Variants in CDH13 observed in about 807,000 individuals in gnomAD.
The protein encoded by CDH13 is cadherin-13.
CDH13 carries 24 observed loss-of-function variants against 63.8 expected under a neutral mutation model. That is an observed-to-expected ratio of 0.38 (90% CI 0.27 to 0.53). The LOEUF (loss-of-function observed/expected upper bound fraction) is 0.53. CDH13 is among the 20% of genes least tolerant of loss of function. The probability of loss-of-function intolerance (pLI) is 0.85; values close to 1 mark genes in which losing one functional copy is unlikely to be tolerated. For synonymous variants in CDH13, 503 were observed against 355.3 expected (o/e 1.42, Z -4.67); for missense variants, 1,049 against 903.1 (o/e 1.16, Z -2.07).
chr16:83,454,497 C>T (rs138955994), intron 6 of CDH13, among the ~76,000 whole-genome samples: 6 of 152,128 alleles, frequency 3.9e-5, no homozygotes, highest in Admixed American at 2.6e-4. Flanking sequence ...ATATATTTTA[C>T]TTTGCATTTA....
chr16:83,345,163 A>G (rs1187737097), intron 6 of CDH13, among the ~76,000 whole-genome samples, 157 bp downstream of exon 6: 1 of 152,236 alleles, frequency 6.6e-6, no homozygotes, highest in Admixed American at 6.5e-5. Flanking sequence ...TTGGAAAGCT[A>G]AAGTGCAAAG....
At chr16:82,856,094 G>T (rs2039672533) in intron 1 of CDH13, among the ~76,000 whole-genome samples, 1 of 152,174 alleles carries the variant, frequency 6.6e-6, no homozygotes, top group South Asian at 2.1e-4. Context: ...ATACTAGCTG[G>T]GGCCGGGCAC....
chr16:82,638,088 C>G (rs1908908542), intron 1 of CDH13, among the ~76,000 whole-genome samples: 1 of 152,224 alleles, frequency 6.6e-6, no homozygotes, highest in African/African-American at 2.4e-5. Context: ...TGCTCCTTTG[C>G]TTCCTTTCAT....
chr16:82,820,971 G>A lies in CDH13; in HGVS notation c.46-37391G>A, dbSNP rs531494010. Among the ~76,000 whole-genome samples, 36 of 152,066 alleles carry A rather than the reference G, an allele frequency of 2.4e-4. No homozygotes were observed. The South Asian group carries it at 7.3e-3, about 31-fold the overall frequency. On this transcript the variant is annotated intron_variant, in intron 1 of 13. Coordinates refer to ENST00000567109, the MANE Select transcript of CDH13 (RefSeq NM_001257.5). ...CCTGCCTCTACCAATGAGGGGTAGA[G>A]CTTGGTGACTTTTAACAATGATCTC...
Position 82,671,812 on chromosome 16 carries a change from TG to T in CDH13, c.45+44677del, listed in dbSNP as rs150459003. ...GGCTTCTTTTCTATTCATGACCCTT[TG>T]GATTATAAAAGAAGAGAAACACCAT... On this transcript the variant is annotated intron_variant, in intron 1 of 13. Transcript: ENST00000567109. Among the ~76,000 whole-genome samples the T allele has an allele frequency of 0.025, 3,854 of 152,294 alleles. 278 individuals carry two copies. The East Asian group carries it at 0.3, about 12-fold the overall frequency.
At chr16:83,574,086 T>C (rs1011338613) in intron 7 of CDH13, among the ~76,000 whole-genome samples, 1 of 151,988 alleles carries the variant, frequency 6.6e-6, no homozygotes, top group East Asian at 1.9e-4. Flanking sequence ...AGCTGCGAAA[T>C]GGGCAGCTGC....
intron 4 of CDH13, among the ~76,000 whole-genome samples, chr16:83,198,107 G>A (rs767570255): frequency 1.3e-5 from 2 of 151,994 alleles, no homozygotes; most frequent in Non-Finnish European, 2.9e-5. Flanking sequence ...TGAGCATCTT[G>A]CTTTCTACCT....
At chr16:83,255,293 A>G (rs1482999925) in intron 5 of CDH13, among the ~76,000 whole-genome samples, 1 of 152,178 alleles carries the variant, frequency 6.6e-6, no homozygotes, top group Admixed American at 6.5e-5. Context: ...AGATGCCCCA[A>G]ACTGCCGGGC....
At chr16:83,285,070 GT>G (rs1447460875) in intron 5 of CDH13, among the ~76,000 whole-genome samples, 1 of 151,992 alleles carries the variant, frequency 6.6e-6, no homozygotes, top group Non-Finnish European at 1.5e-5. Flanking sequence ...TTCTCCTTGG[GT>G]TTTTGTTTTA....
chr16:83,150,641 T>G (rs2036938838), intron 4 of CDH13, among the ~76,000 whole-genome samples: 1 of 151,936 alleles, frequency 6.6e-6, no homozygotes, highest in South Asian at 2.1e-4. Context: ...TTATAGAGCG[T>G]TTTTTATCTC....
chr16:82,630,234 C>A (rs72832152), intron 1 of CDH13, among the ~76,000 whole-genome samples: 487 of 152,222 alleles, frequency 3.2e-3, no homozygotes, highest in Non-Finnish European at 5.0e-3. Flanking sequence ...CCCCTCCCCC[C>A]CTAGGGTCAA....
Position 82,979,344 on chromosome 16 carries a change from G to A in CDH13, c.158-52666G>A, listed in dbSNP as rs370298691. On this transcript the variant is annotated intron_variant, in intron 2 of 13. Coordinates refer to ENST00000567109, the MANE Select transcript of CDH13 (RefSeq NM_001257.5). ...ATTGTCTTTTGAAATGTGAGTACAC[G>A]GGATTTTGGAGAGTAGGGGCAGAGT... is the stretch of plus-strand genomic sequence containing the variant. Among the ~76,000 whole-genome samples the A allele has an allele frequency of 1.6e-4, 24 of 152,244 alleles. No individual in the cohort carries two copies. In the South Asian group the frequency reaches 3.1e-3, roughly 20 times the overall value.
intron 10 of CDH13, among the ~76,000 whole-genome samples, chr16:83,687,125 A>C (rs1454441091): frequency 6.6e-6 from 1 of 152,276 alleles, no homozygotes. Flanking sequence ...AGGCAGGAGA[A>C]TCACTTGAAC....
chr16:82,981,953 A>G (rs1201616367), intron 2 of CDH13, among the ~76,000 whole-genome samples: 1 of 151,840 alleles, frequency 6.6e-6, no homozygotes, highest in Non-Finnish European at 1.5e-5. Context: ...TTCAGTCCCT[A>G]CTCTTAACCT....
chr16:83,550,593 C>G (rs111463341), intron 7 of CDH13, among the ~76,000 whole-genome samples: 3,942 of 152,290 alleles, frequency 0.026, 62 homozygotes, highest in Admixed American at 0.049. Flanking sequence ...CCTGCTGATG[C>G]AGCTGTGGGC....
chr16:83,369,250 G>A (rs1164253588), intron 6 of CDH13, among the ~76,000 whole-genome samples: 1 of 151,648 alleles, frequency 6.6e-6, no homozygotes, highest in Non-Finnish European at 1.5e-5. Flanking sequence ...TTACACTGTT[G>A]GTGGGAAAAT....
chr16:83,248,160 C>T (rs983635930), intron 5 of CDH13, among the ~76,000 whole-genome samples: 3 of 151,976 alleles, frequency 2.0e-5, no homozygotes, highest in African/African-American at 4.8e-5. Flanking sequence ...CCACTCACAG[C>T]GCCAGAATGT....
At chr16:83,752,546 T>A (rs1913171405) in intron 11 of CDH13, among the ~76,000 whole-genome samples, 1 of 152,246 alleles carries the variant, frequency 6.6e-6, no homozygotes, top group Non-Finnish European at 1.5e-5. Flanking sequence ...GCCATACCAC[T>A]TACTAGCTAT....
chr16:83,574,386 C>T (rs187729909), intron 7 of CDH13, among the ~76,000 whole-genome samples: 210 of 152,222 alleles, frequency 1.4e-3, no homozygotes, highest in African/African-American at 4.7e-3. Context: ...CAGGGAGAGC[C>T]CTCCAGGCCC....
Sources: gnomAD v4.1 joint callset for allele counts (sites outside exome capture counted in the v4.1 genomes callset) on GRCh38, gnomAD v4.1.1 for gene constraint, MANE v1.5 for transcripts, NCBI Gene and HGNC (gene_info 2026-07-23, HGNC 2026-07-21) for gene names.